PTPRU: variants seen among roughly 807,000 people sequenced by gnomAD.
PTPRU encodes receptor-type tyrosine-protein phosphatase U.
In PTPRU, 69 loss-of-function variants were observed where a neutral mutation model predicts 166.3. The ratio of observed to expected loss-of-function variants is 0.41; its 90% CI spans 0.34 to 0.51. The LOEUF is 0.51. PTPRU is among the 20% of genes least tolerant of loss of function. The pLI, the probability that PTPRU is intolerant of heterozygous loss-of-function variation, is 0.09. For missense variants in PTPRU, 1,657 were observed against 2,013.7 expected (o/e 0.82, Z 3.39); for synonymous variants, 793 against 814.0 (o/e 0.97, Z 0.44).
At chr1:29,292,915 A>C (rs1686708499) in intron 15 of PTPRU, among the ~76,000 whole-genome samples, 1 of 147,516 alleles carries the variant, frequency 6.8e-6, no homozygotes, top group Non-Finnish European at 1.5e-5. Context: ...TCCCAGGTTC[A>C]AACAATTTTC....
rs1688100877 is a variant in PTPRU at position 29,320,426 on chromosome 1, C to T, written c.3688-259C>T. 1 of 375,150 alleles carries T rather than the reference C, an allele frequency of 2.7e-6. No individual in the cohort carries two copies. The highest frequency in any genetic ancestry group is 2.1e-5 in the African/African-American group (1 of 48,270). The allele number at this position is 375,150 out of a possible 1,614,324, so 23.2% of individuals were successfully genotyped here. On this transcript the variant is annotated intron_variant, in intron 25 of 29. Transcript: ENST00000373779. The surrounding 1 kb of genome is among the most constrained non-coding windows in gnomAD (Gnocchi z 5.2). Reference sequence around the variant, plus strand: ...AGCTCAGCCTCATGCCCAAGCTCCCCTCGCCATACCTTTGGAAACTTTTGC... The same window carrying T: ...AGCTCAGCCTCATGCCCAAGCTCCCTTCGCCATACCTTTGGAAACTTTTGC...
chr1:29,241,219 G>C (rs1246120317), intron 1 of PTPRU, among the ~76,000 whole-genome samples: 2 of 152,094 alleles, frequency 1.3e-5, no homozygotes, highest in East Asian at 1.9e-4. Context: ...CCTGGAGTTG[G>C]GTGCAGAGCT....
At chr1:29,288,277 A>T (rs1050008942) in intron 14 of PTPRU, among the ~76,000 whole-genome samples, 1 of 152,202 alleles carries the variant, frequency 6.6e-6, no homozygotes, top group Non-Finnish European at 1.5e-5. Context: ...AAAGACAAGG[A>T]TTCTGTCCTC....
At chr1:29,300,046 C>G (rs984508910) in intron 15 of PTPRU, among the ~76,000 whole-genome samples, 12 of 152,152 alleles carry the variant, frequency 7.9e-5, no homozygotes, top group Non-Finnish European at 5.9e-5. Flanking sequence ...CGCTGTGTGC[C>G]AGGCACGGGG....
At chr1:29,245,781 G>A (rs2151939883) in intron 1 of PTPRU, among the ~76,000 whole-genome samples, 1 of 152,292 alleles carries the variant, frequency 6.6e-6, no homozygotes, top group East Asian at 1.9e-4. Context: ...GGGTTTCTGG[G>A]CGGAGCTGCT....
chr1:29,284,603 A>T, intron 13 of PTPRU, 128 bp from the exon 14 acceptor site: 2 of 1,313,414 alleles, frequency 1.5e-6, no homozygotes. Flanking sequence ...CTCAAAAGGC[A>T]GGACACACAT....
rs1574719924 is a variant in PTPRU at position 29,315,272 on chromosome 1, G to A, written c.3228-100G>A. On this transcript the variant is annotated intron_variant, in intron 22 of 29. Transcript: ENST00000373779. This position sits in a 1 kb window ranked among gnomAD's most constrained non-coding sequence, Gnocchi z 4.5. ...AGTCATCTCTGTGTCCGTGTCCCCT[G>A]TATGGTGTAGACATGGCCAGTGCCC... 6.8e-7 allele frequency: 1 copy of A among 1,464,740 alleles called. No homozygotes were observed. The highest frequency in any genetic ancestry group is 2.3e-5 in the East Asian group (1 of 43,574). The allele number at this position is 1,464,740 out of a possible 1,614,324, so 90.7% of individuals were successfully genotyped here.
chr1:29,269,593 G>A (rs1421280034), intron 7 of PTPRU, among the ~76,000 whole-genome samples: 1 of 151,966 alleles, frequency 6.6e-6, no homozygotes, highest in East Asian at 1.9e-4. Context: ...TGACATCATG[G>A]CCCCTCCCTG....
In PTPRU at chr1:29,260,094, G is replaced by A; in HGVS notation, c.850+50G>A. 7.3e-7 allele frequency: 1 copy of A among 1,361,640 alleles called. No homozygotes were observed. The highest frequency in any genetic ancestry group is 1.8e-5 in the South Asian group (1 of 54,936). The allele number at this position is 1,361,640 out of a possible 1,614,324, so 84.3% of individuals were successfully genotyped here. A position where few individuals can be genotyped will look rare whatever the true frequency, so the allele number is the denominator to read the frequency against. On this transcript the variant is annotated intron_variant, in intron 6 of 29. Transcript: ENST00000373779. The surrounding 1 kb of genome is among the most constrained non-coding windows in gnomAD (Gnocchi z 8.3). The stretch of plus-strand genomic sequence containing the variant: ...GCCGGGACCTCACCCTCGAGGGGCG[G>A]GGCCGGCGACGGGGGCGGGCTCTGC...
At position 29,320,657 on chromosome 1, in the gene PTPRU, G is replaced by T; in HGVS notation, c.3688-28G>T. The T allele has an allele frequency of 6.5e-7, 1 of 1,545,954 alleles. No homozygotes were observed. The highest frequency in any genetic ancestry group is 2.3e-5 in the East Asian group (1 of 42,802). ...GCCCAGGCCAGGGGCCGGGAACAGG[G>T]CCCTGCTGAGTTCCGGTTTCCCTGC... On this transcript the variant is annotated intron_variant, in intron 25 of 29. Transcript: ENST00000373779. The surrounding 1 kb of genome is among the most constrained non-coding windows in gnomAD (Gnocchi z 5.2).
At chr1:29,296,950 T>C (rs966971940) in intron 15 of PTPRU, among the ~76,000 whole-genome samples, 4 of 152,116 alleles carry the variant, frequency 2.6e-5, no homozygotes, top group African/African-American at 7.2e-5. Context: ...ATTTTATTTA[T>C]GTTTTTAAAC....
chr1:29,307,704 T>C (rs1042949861), intron 18 of PTPRU, among the ~76,000 whole-genome samples: 1 of 152,140 alleles, frequency 6.6e-6, no homozygotes, highest in Non-Finnish European at 1.5e-5. Context: ...AATTTGAATG[T>C]TTTTTGGTGG....
At chr1:29,287,501 A>T (rs576223519) in intron 14 of PTPRU, among the ~76,000 whole-genome samples, 2 of 149,584 alleles carry the variant, frequency 1.3e-5, no homozygotes, top group African/African-American at 4.9e-5. Context: ...TGTAGGGAGG[A>T]GTGGTTTGTG....
intron 12 of PTPRU, among the ~76,000 whole-genome samples, chr1:29,283,156 C>T (rs923366287): frequency 8.7e-5 from 13 of 150,212 alleles, no homozygotes; most frequent in African/African-American, 3.2e-4. Context: ...TAGCCCTGGC[C>T]CCACAGTTCC....
At chr1:29,275,137 T>C (rs1268182506) in intron 7 of PTPRU, among the ~76,000 whole-genome samples, 1 of 152,124 alleles carries the variant, frequency 6.6e-6, no homozygotes, top group Non-Finnish European at 1.5e-5. Flanking sequence ...CCTTAAACCT[T>C]ACAATGATCC....
rs1687681256 is a variant in PTPRU, at chr1:29,311,855, G to A, written c.3072+96G>A. ...CCAGCCCTGGGAGCAGGAGGGTGAG[G>A]AGCGCACCACTGCCCATCCCAGCAA... On this transcript the variant is annotated intron_variant, in intron 21 of 29. Transcript: ENST00000373779. This position sits in a 1 kb window ranked among gnomAD's most constrained non-coding sequence, Gnocchi z 4.1. 4.1e-6 allele frequency: 5 copies of A among 1,228,126 alleles called. No individual in the cohort carries two copies. The South Asian group carries it at 5.4e-5, about 13-fold the overall frequency. 76.1% of individuals were successfully genotyped at this position (1,228,126 alleles called of 1,614,324 possible). A position where few individuals can be genotyped will look rare whatever the true frequency, so the allele number is the denominator to read the frequency against.
Position 29,282,960 on chromosome 1 carries a change from G to C in PTPRU, c.2142+11G>C, listed in dbSNP as rs750234312. ...AGCCACCTGAAGGGGGTGAGGGACC[G>C]GCCAGGGTCATGGTGGGCGTGGTTG... is the stretch of plus-strand genomic sequence containing the variant. On this transcript the variant is annotated intron_variant, in intron 12 of 29. Transcript: ENST00000373779. 9 of 1,609,804 alleles carry C rather than the reference G, an allele frequency of 5.6e-6. No homozygotes were observed. In the African/African-American group the frequency reaches 1.1e-4, roughly 20 times the overall value.
intron 15 of PTPRU, among the ~76,000 whole-genome samples, chr1:29,293,226 C>T (rs554116218): frequency 6.6e-6 from 1 of 152,308 alleles, no homozygotes; most frequent in African/African-American, 2.4e-5. Flanking sequence ...GATCCACCCA[C>T]CTTGGCCTCC....
intron 1 of PTPRU, among the ~76,000 whole-genome samples, chr1:29,244,166 T>G (rs1325294564): frequency 6.6e-6 from 1 of 151,740 alleles, no homozygotes; most frequent in Non-Finnish European, 1.5e-5. Context: ...AGATTAAAGC[T>G]AGGGGTGGGG....
Sources: gnomAD v4.1 joint callset for allele counts (sites outside exome capture counted in the v4.1 genomes callset) on GRCh38, gnomAD v4.1.1 for gene constraint, Gnocchi (gnomAD v3.1) non-coding constraint, MANE v1.5 for transcripts, NCBI Gene and HGNC (gene_info 2026-07-23, HGNC 2026-07-21) for gene names.